Variants in KMT2E observed in about 807,000 individuals in gnomAD.
KMT2E encodes the protein lysine methyltransferase 2E (inactive).
In KMT2E, 30 loss-of-function variants were observed where a neutral mutation model predicts 184.6. The ratio of observed to expected loss-of-function variants is 0.16; its 90% CI spans 0.12 to 0.22. KMT2E has a LOEUF of 0.22. Among genes scored for constraint, KMT2E ranks in the 10% least tolerant of loss-of-function variants. The probability of loss-of-function intolerance (pLI) is 1.00; values close to 1 mark genes in which losing one functional copy is unlikely to be tolerated. For synonymous variants in KMT2E, 815 were observed against 776.5 expected (o/e 1.05, Z -0.82); for missense variants, 2,023 against 2,237.4 (o/e 0.90, Z 1.93).
intron 5 of KMT2E, chr7:105,064,059 G>A (rs1345102215): frequency 2.2e-6 from 1 of 450,078 alleles, no homozygotes; most frequent in Admixed American, 2.4e-5. Context: ...CAGAACCACA[G>A]TCTCCCCTCC....
chr7:105,062,865 T>C (rs1584746051), intron 4 of KMT2E, among the ~76,000 whole-genome samples: 1 of 152,000 alleles, frequency 6.6e-6, no homozygotes, highest in Admixed American at 6.6e-5. Context: ...GGTAGAATTA[T>C]GAGATACTTA....
intron 15 of KMT2E, among the ~76,000 whole-genome samples, chr7:105,101,120 C>T (rs559184382): frequency 1.3e-5 from 2 of 152,158 alleles, no homozygotes; most frequent in East Asian, 1.9e-4. Flanking sequence ...AAAAGATTTT[C>T]GGTTTGGTAA....
intron 1 of KMT2E, among the ~76,000 whole-genome samples, chr7:105,023,746 C>T (rs971315629): frequency 5.3e-5 from 8 of 151,944 alleles, no homozygotes; most frequent in South Asian, 2.1e-4. Context: ...TGCCCGGCTC[C>T]GTTAAGCAAT....
At chr7:105,068,502 A>C (rs926593630) in intron 6 of KMT2E, among the ~76,000 whole-genome samples, 1 of 151,334 alleles carries the variant, frequency 6.6e-6, no homozygotes, top group African/African-American at 2.4e-5. Flanking sequence ...CGAACAGGCT[A>C]CGTGTGACCA....
chr7:105,110,140 A>T (rs1799143425), intron 23 of KMT2E, 140 bp from the exon 24 acceptor site: 4 of 702,526 alleles, frequency 5.7e-6, no homozygotes, highest in Non-Finnish European at 4.8e-6. Context: ...GCCAAGATTA[A>T]CTATTTTCAA....
intron 7 of KMT2E, 115 bp downstream of exon 7, chr7:105,073,792 T>A: frequency 1.5e-6 from 1 of 655,128 alleles, no homozygotes; most frequent in Non-Finnish European, 2.7e-6. Flanking sequence ...ACCTTGTTGA[T>A]GAATGTTGAT....
At chr7:105,090,294 T>A in intron 14 of KMT2E, 21 bp downstream of exon 14, 1 of 1,566,000 alleles carries the variant, frequency 6.4e-7, no homozygotes. Context: ...CTGCTCTCAA[T>A]GAAATTGAAT....
intron 12 of KMT2E, among the ~76,000 whole-genome samples, chr7:105,079,511 CTTTTTTTTTTTTTTTTT>C (rs66734303): frequency 1.6e-5 from 1 of 62,330 alleles, no homozygotes; most frequent in Non-Finnish European, 2.9e-5. Flanking sequence ...ATTGGACTTC[CTTTTTTTTTTTTTTTTT>C]TTTTTTTTTT....
intron 1 of KMT2E, among the ~76,000 whole-genome samples, chr7:105,015,005 T>C (rs529601820): frequency 6.6e-6 from 1 of 152,256 alleles, no homozygotes; most frequent in African/African-American, 2.4e-5. Flanking sequence ...GTCTCTGGTA[T>C]AATGTGCACA....
intron 15 of KMT2E, 64 bp downstream of exon 15, chr7:105,091,378 G>A: frequency 2.3e-6 from 2 of 863,940 alleles, no homozygotes; most frequent in East Asian, 2.4e-5. Flanking sequence ...AATTGTTGCT[G>A]CCTTTACATG....
chr7:105,037,450 C>A (rs1243660768), intron 1 of KMT2E, among the ~76,000 whole-genome samples: 1 of 151,974 alleles, frequency 6.6e-6, no homozygotes, highest in Non-Finnish European at 1.5e-5. Flanking sequence ...GCAGCCTTGA[C>A]CTCTTGGGCT....
chr7:105,112,565 C>T lies in KMT2E; in HGVS notation c.4809C>T (p.His1603=), dbSNP rs752450742. 1.7e-5 allele frequency: 27 copies of T among 1,613,960 alleles called. No individual in the cohort carries two copies. The highest frequency in any genetic ancestry group is 2.1e-5 in the Non-Finnish European group (25 of 1,180,016). Residue 1603 remains histidine (H), a synonymous_variant, in exon 27 of 27, where the codon CAC becomes CAT. Coordinates refer to ENST00000311117, the MANE Select transcript of KMT2E (RefSeq NM_182931.3). ...GCCAGCAAACAGTTCCAGGACACCA[C>T]GTGACTCCAGGGCATTTTTTGCCCT... is the stretch of plus-strand genomic sequence containing the variant. ...TTSQQTVPGH[H]VTPGHFLPSQ... is the part of the protein sequence containing the mutation.
rs1797572970 is a variant in KMT2E at position 105,077,346 on chromosome 7, A to G, written c.1043A>G (p.Asp348Gly). 1 of 1,611,252 alleles carries G rather than the reference A, an allele frequency of 6.2e-7. No individual in the cohort carries two copies. Among genetic ancestry groups the G allele is most frequent in the African/African-American group, 1.3e-5 (1 of 74,960 alleles). Reference protein sequence around the residue: ...KNKKILKSAKDLPPDALIIEY... With the variant: ...KNKKILKSAKGLPPDALIIEY... ...AAGAAAATTCTTAAATCTGCAAAAG[A>G]TTTGCCTCCTGATGCACTTATCATT... Residue 348 changes from aspartate (D) to glycine (G), a missense_variant, in exon 11 of 27, where the codon GAT (aspartate) becomes GGT (glycine). Around this residue, in one of 8 missense-constraint regions of KMT2E, gnomAD observed 191 missense variants for 209.0 expected, o/e 0.91. Coordinates refer to ENST00000311117, the MANE Select transcript of KMT2E (RefSeq NM_182931.3).
chr7:105,097,468 C>T (rs966916143), intron 15 of KMT2E, among the ~76,000 whole-genome samples: 3 of 152,180 alleles, frequency 2.0e-5, no homozygotes, highest in African/African-American at 7.2e-5. Context: ...TCACCGCAAC[C>T]TCTGCCTCCC....
chr7:105,111,564 G>T lies in KMT2E; in HGVS notation c.4069-261G>T, dbSNP rs76094174. Among the ~76,000 whole-genome samples the T allele has an allele frequency of 3.7e-3, 558 of 152,030 alleles. 15 individuals carry two copies. The East Asian group carries it at 0.062, about 17-fold the overall frequency. On this transcript the variant is annotated intron_variant, in intron 26 of 26. Transcript: ENST00000311117. ...TAGGGGTAAAAAGGCAGAGTAAAGT[G>T]AAAGAAAATTATTTCCTCAACTTGT...
At chr7:105,087,561 C>A (rs1798035624) in intron 13 of KMT2E, among the ~76,000 whole-genome samples, 1 of 151,408 alleles carries the variant, frequency 6.6e-6, no homozygotes, top group Non-Finnish European at 1.5e-5. Flanking sequence ...GTAGCTGGGA[C>A]TGCAGGCGCA....
chr7:105,072,982 C>A (rs1016805411), intron 6 of KMT2E, among the ~76,000 whole-genome samples: 2 of 149,938 alleles, frequency 1.3e-5, no homozygotes, highest in African/African-American at 4.9e-5. Context: ...GGAATAGATT[C>A]AATTCAGTGT....
At chr7:105,104,559 G>A (rs1004972783) in intron 17 of KMT2E, 4 of 152,182 alleles carry the variant, frequency 2.6e-5, no homozygotes, top group African/African-American at 4.8e-5. Context: ...GCTGGGCATG[G>A]TGGTGCACAC....
chr7:105,062,469 T>C (rs966623505), intron 4 of KMT2E, among the ~76,000 whole-genome samples, 191 bp downstream of exon 4: 1 of 152,186 alleles, frequency 6.6e-6, no homozygotes, highest in African/African-American at 2.4e-5. Flanking sequence ...GTTTCTCTTA[T>C]TATTTTGCAA....
Sources: allele counts gnomAD v4.1 joint callset (sites outside exome capture counted in the v4.1 genomes callset), GRCh38; gene constraint gnomAD v4.1.1; regional missense constraint gnomAD v4.1.1; transcripts MANE v1.5; gene names NCBI Gene and HGNC (gene_info 2026-07-23, HGNC 2026-07-21).